ZMAT4: variants seen among roughly 807,000 people sequenced by gnomAD.
The protein encoded by ZMAT4 is zinc finger matrin-type 4.
A neutral mutation model predicts 28.7 loss-of-function variants in ZMAT4; 17 were observed. That is an observed-to-expected ratio of 0.59 (90% confidence interval 0.41 to 0.89). The LOEUF (loss-of-function observed/expected upper bound fraction) is 0.89, where lower values mean the gene tolerates loss of function less well. Ranked by LOEUF, ZMAT4 falls within the 40% of genes least tolerant of loss-of-function variation. ZMAT4 has a pLI of 0.00. For missense variants in ZMAT4, 240 were observed against 283.8 expected, an observed-to-expected ratio of 0.85 and a Z score of 1.11; for synonymous variants, 117 against 109.2, an observed-to-expected ratio of 1.07 and a Z score of -0.44.
intron 5 of ZMAT4, among the ~76,000 whole-genome samples, chr8:40,606,439 C>T (rs1051151793): frequency 4.6e-5 from 7 of 152,194 alleles, no homozygotes; most frequent in Non-Finnish European, 1.0e-4. Flanking sequence ...ATTTATGAAG[C>T]TTAGTTTCAC....
intron 5 of ZMAT4, among the ~76,000 whole-genome samples, chr8:40,623,182 G>A (rs1248670269): frequency 1.3e-5 from 2 of 152,180 alleles, no homozygotes; most frequent in Middle Eastern, 3.2e-3. Context: ...TGGATGCTAA[G>A]AGGGCAGAGG....
chr8:40,753,584 G>C (rs186868882), intron 3 of ZMAT4, among the ~76,000 whole-genome samples: 28 of 152,286 alleles, frequency 1.8e-4, no homozygotes, highest in African/African-American at 6.7e-4. Flanking sequence ...AACTGCATCT[G>C]TTTCATTCAC....
chr8:40,668,142 A>C (rs1446253895), intron 5 of ZMAT4, among the ~76,000 whole-genome samples: 2 of 152,256 alleles, frequency 1.3e-5, no homozygotes, highest in East Asian at 1.9e-4. Context: ...GCCAACAAAG[A>C]AGCAGCAGAA....
intron 6 of ZMAT4, among the ~76,000 whole-genome samples, chr8:40,547,454 C>T (rs546584168): frequency 4.6e-5 from 7 of 152,270 alleles, no homozygotes; most frequent in East Asian, 1.9e-4. Context: ...AAGGATAGGG[C>T]GTGGACCTTG....
At chr8:40,872,573 G>A (rs1410474332) in intron 1 of ZMAT4, among the ~76,000 whole-genome samples, 2 of 152,176 alleles carry the variant, frequency 1.3e-5, no homozygotes, top group East Asian at 1.9e-4. Context: ...TGGGCCTTAG[G>A]GGGCCAGGGG....
rs930760132 is a variant in ZMAT4, at chr8:40,725,726, G to A, written c.193-28325C>T. 3.9e-5 allele frequency among the ~76,000 whole-genome samples: 6 copies of A among 152,018 alleles called. No individual in the cohort carries two copies. In the East Asian group the frequency reaches 7.7e-4, roughly 20 times the overall value. On this transcript the variant is annotated intron_variant, in intron 3 of 6. Transcript: ENST00000297737. ...GCAGAGGTTGCAATGAGCCAAGATC[G>A]TGCCACTGCACTCCAGCCTGGTGTC...
intron 3 of ZMAT4, among the ~76,000 whole-genome samples, chr8:40,758,553 T>A (rs4391418): frequency 0.42 from 63,976 of 151,896 alleles, 13,910 homozygotes; most frequent in Middle Eastern, 0.52. Flanking sequence ...ATAGATTTTC[T>A]GTAAATGACA....
At position 40,847,209 on chromosome 8, in the gene ZMAT4, ACAAAC is replaced by A. The variant is rs758626481; in HGVS notation, c.-4-21534_-4-21530del. Among the ~76,000 whole-genome samples the A allele has an allele frequency of 5.3e-3, 663 of 125,328 alleles. 5 individuals carry two copies. Among genetic ancestry groups the A allele is most frequent in the African/African-American group, 0.02 (630 of 31,798 alleles). 82.2% of individuals were successfully genotyped at this position (125,328 alleles called of 152,430 possible). A position where few individuals can be genotyped will look rare whatever the true frequency, so the allele number is the denominator to read the frequency against. On this transcript the variant is annotated intron_variant, in intron 1 of 6. Transcript: ENST00000297737. ...ATAGAGAAAGATTCCATCTAAAAAAACAAACAAACAAAAAAAAAAAACTGGGGGAA... is the reference window on the plus strand; with the variant it reads ...ATAGAGAAAGATTCCATCTAAAAAAAAAACAAAAAAAAAAAACTGGGGGAA...
intron 5 of ZMAT4, among the ~76,000 whole-genome samples, chr8:40,671,194 G>C (rs1252214512): frequency 6.6e-6 from 1 of 152,134 alleles, no homozygotes; most frequent in Non-Finnish European, 1.5e-5. Context: ...GCAGATGTTG[G>C]TGAGGCTATG....
intron 1 of ZMAT4, among the ~76,000 whole-genome samples, chr8:40,858,365 G>C (rs189313835): frequency 2.0e-5 from 3 of 152,224 alleles, no homozygotes; most frequent in Admixed American, 2.0e-4. Flanking sequence ...CAAGCTCCCT[G>C]AAGTCCCCTT....
intron 2 of ZMAT4, among the ~76,000 whole-genome samples, chr8:40,823,875 T>TA (rs1815924478): frequency 6.6e-6 from 1 of 152,220 alleles, no homozygotes; most frequent in Non-Finnish European, 1.5e-5. Context: ...GTGCTGATTT[T>TA]AAAAGTTTTC....
intron 2 of ZMAT4, among the ~76,000 whole-genome samples, chr8:40,817,948 G>T (rs910769283): frequency 5.9e-5 from 9 of 152,176 alleles, no homozygotes; most frequent in African/African-American, 2.2e-4. Context: ...TGGGCTATGT[G>T]ACTGAGTGCT....
At position 40,878,116 on chromosome 8, in the gene ZMAT4, G is replaced by A. The variant is rs537051085; in HGVS notation, c.-5+19567C>T. Among the ~76,000 whole-genome samples the A allele has an allele frequency of 2.0e-5, 3 of 152,318 alleles. No individual in the cohort carries two copies. The East Asian group carries it at 5.8e-4, about 29-fold the overall frequency. Reference sequence around the variant, plus strand: ...AATGAATGAATGAATGGCTTCCAATGGCAGAAAACATATAGCGGCTCCTCA... The same window carrying A: ...AATGAATGAATGAATGGCTTCCAATAGCAGAAAACATATAGCGGCTCCTCA... On this transcript the variant is annotated intron_variant, in intron 1 of 6. Transcript: ENST00000297737.
chr8:40,653,141 A>C (rs1242703213), intron 5 of ZMAT4, among the ~76,000 whole-genome samples: 1 of 152,026 alleles, frequency 6.6e-6, no homozygotes, highest in Admixed American at 6.6e-5. Flanking sequence ...TGAACCACAC[A>C]CTCTTAAATA....
At chr8:40,767,758 T>C (rs1333085121) in intron 2 of ZMAT4, 28 bp from the exon 3 acceptor site, 10 of 1,584,826 alleles carry the variant, frequency 6.3e-6, no homozygotes, top group Non-Finnish European at 8.6e-6. Context: ...AAGCAGATAC[T>C]GTAAAAGATA....
chr8:40,579,566 A>G (rs1563348847), intron 6 of ZMAT4, among the ~76,000 whole-genome samples: 1 of 152,198 alleles, frequency 6.6e-6, no homozygotes, highest in East Asian at 1.9e-4. Flanking sequence ...AAGGCAGAAT[A>G]TTGAGAAGAA....
intron 3 of ZMAT4, among the ~76,000 whole-genome samples, chr8:40,765,100 G>A (rs1054068439): frequency 1.3e-5 from 2 of 152,070 alleles, no homozygotes; most frequent in Admixed American, 6.6e-5. Flanking sequence ...CCAAAGTTCC[G>A]GGTTTACAGG....
intron 5 of ZMAT4, among the ~76,000 whole-genome samples, chr8:40,673,244 C>T (rs1808758488): frequency 1.3e-5 from 2 of 152,158 alleles, no homozygotes; most frequent in South Asian, 2.1e-4. Context: ...AGTATATTCC[C>T]TTGGTGAGAT....
At chr8:40,880,487 T>G (rs145185024) in intron 1 of ZMAT4, among the ~76,000 whole-genome samples, 18 of 152,284 alleles carry the variant, frequency 1.2e-4, no homozygotes, top group African/African-American at 4.3e-4. Context: ...TAACCTTCAA[T>G]AATTTTATAG....
Sources: allele counts gnomAD v4.1 joint callset (sites outside exome capture counted in the v4.1 genomes callset), GRCh38; gene constraint gnomAD v4.1.1; transcripts MANE v1.5; gene names NCBI Gene and HGNC (gene_info 2026-07-23, HGNC 2026-07-21).